Variants in DHRSX observed in about 807,000 individuals in gnomAD.
DHRSX encodes the protein polyprenol dehydrogenase.
Under a neutral mutation model 34.0 loss-of-function variants are expected in DHRSX, and 31 were observed. The observed-to-expected ratio is 0.91, with a 90% CI of 0.69 to 1.23. The LOEUF (loss-of-function observed/expected upper bound fraction) is 1.23. Ranked by LOEUF, DHRSX falls within the 50% of genes most tolerant of loss-of-function variation. The pLI, the probability that DHRSX is intolerant of heterozygous loss-of-function variation, is 0.00. For missense variants in DHRSX, 414 were observed against 428.1 expected (o/e 0.97, Z 0.29); for synonymous variants, 201 against 183.8 (o/e 1.09, Z -0.76).
At chrX:2,410,342 G>C (rs1461916725) in intron 2 of DHRSX, among the ~76,000 whole-genome samples, 2 of 152,158 alleles carry the variant, frequency 1.3e-5, no homozygotes, top group Non-Finnish European at 2.9e-5. Context: ...GAAGCGCACA[G>C]GCTTGAACAA....
intron 3 of DHRSX, among the ~76,000 whole-genome samples, chrX:2,339,407 G>A (rs1227183541): frequency 6.6e-6 from 1 of 151,984 alleles, no homozygotes; most frequent in East Asian, 1.9e-4. Context: ...CCAAACTGTT[G>A]GGATTACAGG....
At position 2,423,078 on chromosome X, in the gene DHRSX, C is replaced by A. The variant is rs193026742; in HGVS notation, c.217+2119G>T. Among the ~76,000 whole-genome samples, 58 of 149,194 alleles carry A rather than the reference C, an allele frequency of 3.9e-4. 1 individual carries two copies. Among genetic ancestry groups the A allele is most frequent in the African/African-American group, 1.2e-3 (50 of 40,882 alleles). On this transcript the variant is annotated intron_variant, in intron 2 of 6. Coordinates refer to ENST00000334651, the MANE Select transcript of DHRSX (RefSeq NM_145177.3). ...TTGACCTCCCAAAGTGCTGGGATTACAGGCATAAGCCACCACGCCCAGCCG... is the reference window on the plus strand; with the variant it reads ...TTGACCTCCCAAAGTGCTGGGATTAAAGGCATAAGCCACCACGCCCAGCCG...
At chrX:2,463,210 A>G (rs6567531) in intron 1 of DHRSX, among the ~76,000 whole-genome samples, 91,900 of 151,714 alleles carry the variant, frequency 0.61, 30,055 homozygotes, top group African/African-American at 0.88. Context: ...CCCTACTCAG[A>G]GAGGCTGTGG....
intron 1 of DHRSX, among the ~76,000 whole-genome samples, chrX:2,476,349 G>A (rs1325853106): frequency 6.7e-6 from 1 of 149,446 alleles, no homozygotes; most frequent in Non-Finnish European, 1.5e-5. Context: ...AGTGAGCCAA[G>A]ATTGAGCCAT....
chrX:2,375,626 G>A (rs2043132504), intron 3 of DHRSX, among the ~76,000 whole-genome samples: 1 of 135,208 alleles, frequency 7.4e-6, no homozygotes, highest in Non-Finnish European at 1.8e-5. Context: ...CGGTTGGTTG[G>A]TTGGTTGGCT....
chrX:2,223,244 TAA>T (rs1303338499), intron 6 of DHRSX, among the ~76,000 whole-genome samples: 4 of 152,020 alleles, frequency 2.6e-5, no homozygotes, highest in African/African-American at 9.7e-5. Context: ...TGATAATGAA[TAA>T]GTCCCATGAC....
chrX:2,372,811 C>T (rs1474505593), intron 3 of DHRSX, among the ~76,000 whole-genome samples: 1 of 151,954 alleles, frequency 6.6e-6, no homozygotes, highest in Non-Finnish European at 1.5e-5. Flanking sequence ...GGGGTTTCAT[C>T]ATGTTGGCGA....
intron 3 of DHRSX, among the ~76,000 whole-genome samples, chrX:2,376,598 C>T (rs7066388): frequency 0.85 from 115,876 of 136,172 alleles, 53,197 homozygotes; most frequent in African/African-American, 0.97. Context: ...TTAGGTTGCA[C>T]TAGAGTAGTG....
chrX:2,419,081 C>T (rs1338756047), intron 2 of DHRSX, among the ~76,000 whole-genome samples: 1 of 152,166 alleles, frequency 6.6e-6, no homozygotes, highest in African/African-American at 2.4e-5. Context: ...CCTTTTGCAT[C>T]TAGAGGGGGC....
intron 3 of DHRSX, among the ~76,000 whole-genome samples, chrX:2,383,462 C>G (rs1261710010): frequency 6.6e-6 from 1 of 152,054 alleles, no homozygotes; most frequent in African/African-American, 2.4e-5. Context: ...CCATAATTAT[C>G]ACCATCATCA....
chrX:2,476,017 G>C (rs915701583), intron 1 of DHRSX, among the ~76,000 whole-genome samples: 4 of 152,138 alleles, frequency 2.6e-5, no homozygotes, highest in Non-Finnish European at 5.9e-5. Flanking sequence ...TACAAAATCA[G>C]GCTGTGAGGA....
intron 2 of DHRSX, among the ~76,000 whole-genome samples, chrX:2,417,507 C>T (rs1416680836): frequency 6.6e-6 from 1 of 152,118 alleles, no homozygotes; most frequent in Non-Finnish European, 1.5e-5. Flanking sequence ...CATGACCTAA[C>T]CCAACTAGAC....
At chrX:2,342,611 G>A (rs1019124565) in intron 3 of DHRSX, among the ~76,000 whole-genome samples, 3 of 152,094 alleles carry the variant, frequency 2.0e-5, no homozygotes, top group African/African-American at 7.2e-5. Context: ...GAACTCTCCC[G>A]AGGTCTCCCT....
chrX:2,254,654 GTT>G (rs1407991280), intron 5 of DHRSX, among the ~76,000 whole-genome samples: 1 of 151,904 alleles, frequency 6.6e-6, no homozygotes, highest in Non-Finnish European at 1.5e-5. Flanking sequence ...TTTTTTGTTT[GTT>G]TGTTTTTTTG....
intron 3 of DHRSX, among the ~76,000 whole-genome samples, chrX:2,294,385 A>G (rs2041904945): frequency 6.6e-6 from 1 of 152,088 alleles, no homozygotes; most frequent in Non-Finnish European, 1.5e-5. Flanking sequence ...CTCTACTAAA[A>G]ATACAAAAAT....
At chrX:2,465,827 G>GAAAAA (rs1478487140) in intron 1 of DHRSX, among the ~76,000 whole-genome samples, 6 of 134,284 alleles carry the variant, frequency 4.5e-5, no homozygotes, top group African/African-American at 8.8e-5. Context: ...AAAAAAAAAA[G>GAAAAA]AGAAAAGAAA....
chrX:2,342,442 G>A (rs1478900409), intron 3 of DHRSX, among the ~76,000 whole-genome samples: 3 of 151,962 alleles, frequency 2.0e-5, no homozygotes, highest in Non-Finnish European at 4.4e-5. Context: ...TGGGCAGGAC[G>A]GTGACCATGA....
chrX:2,290,885 G>A (rs1320869499), intron 4 of DHRSX, among the ~76,000 whole-genome samples: 1 of 152,174 alleles, frequency 6.6e-6, no homozygotes. Context: ...GGGCATCAGT[G>A]TTACGAGGAG....
intron 3 of DHRSX, among the ~76,000 whole-genome samples, chrX:2,340,342 T>TA (rs1329883003): frequency 6.6e-6 from 1 of 151,890 alleles, no homozygotes; most frequent in African/African-American, 2.4e-5. Flanking sequence ...AGTATAATAA[T>TA]AAAAAAAGTA....
Sources: allele counts gnomAD v4.1 joint callset (sites outside exome capture counted in the v4.1 genomes callset), GRCh38; gene constraint gnomAD v4.1.1; transcripts MANE v1.5; gene names NCBI Gene and HGNC (gene_info 2026-07-23, HGNC 2026-07-21).